The following LMCD1 variants were observed in gnomAD, a reference collection of about 807,000 sequenced individuals.
The protein encoded by LMCD1 is LIM and cysteine rich domains 1, also known as LIM and cysteine-rich domains protein 1.
In LMCD1, 32 loss-of-function variants were observed where a neutral mutation model predicts 42.7. That is an observed-to-expected ratio of 0.75 (90% CI 0.57 to 1.01). The LOEUF is 1.01. LMCD1 is among the 50% of genes least tolerant of loss of function. LMCD1 has a pLI of 0.00. For missense variants in LMCD1, 458 were observed against 483.1 expected, an observed-to-expected ratio of 0.95 and a Z score of 0.49; for synonymous variants, 178 against 184.9, an observed-to-expected ratio of 0.96 and a Z score of 0.30.
intron 4 of LMCD1, among the ~76,000 whole-genome samples, chr3:8,554,990 A>G (rs1694905679): frequency 6.6e-6 from 1 of 152,106 alleles, no homozygotes. Context: ...TCCTCAGGCC[A>G]AGTGACTGCC....
At chr3:8,510,090 T>A (rs1559344291) in intron 1 of LMCD1, among the ~76,000 whole-genome samples, 2 of 152,198 alleles carry the variant, frequency 1.3e-5, no homozygotes, top group Non-Finnish European at 2.9e-5. Context: ...ACTAATGACC[T>A]CATAAGAAAC....
At chr3:8,535,751 C>T (rs1409798392) in intron 2 of LMCD1, among the ~76,000 whole-genome samples, 2 of 152,228 alleles carry the variant, frequency 1.3e-5, no homozygotes, top group Non-Finnish European at 2.9e-5. Context: ...CTGTCCCATC[C>T]CAACTGTAAG....
rs1695089323 is a variant in LMCD1, at chr3:8,564,176, C to T, written c.724-1256C>T. Among the ~76,000 whole-genome samples, 3 of 152,086 alleles carry T rather than the reference C, an allele frequency of 2.0e-5. No individual in the cohort carries two copies. The South Asian group carries it at 6.2e-4, about 32-fold the overall frequency. On this transcript the variant is annotated intron_variant, in intron 4 of 5. Transcript: ENST00000157600. The stretch of plus-strand genomic sequence containing the variant: ...AAATATACCTTATTAATGTAAGATG[C>T]TAATAACTCAAGAAACTGAGTGTGG...
At chr3:8,513,660 GA>G (rs760433240) in intron 1 of LMCD1, among the ~76,000 whole-genome samples, 24 of 152,152 alleles carry the variant, frequency 1.6e-4, no homozygotes, top group Non-Finnish European at 3.1e-4. Context: ...AGGCAAAGAA[GA>G]AATGATTGAT....
rs576471098 is a variant in LMCD1, at chr3:8,548,778, G to A, written c.598G>A (p.Ala200Thr). 1.4e-5 allele frequency: 23 copies of A among 1,612,142 alleles called. No individual in the cohort carries two copies. The South Asian group carries it at 2.5e-4, about 18-fold the overall frequency. Reference sequence around the variant, plus strand: ...CGAGGCCCTCGGCGTGGGAGAAGTGGCCCTCCCGGGGCAGGGTGGCTTGCC... The same window carrying A: ...CGAGGCCCTCGGCGTGGGAGAAGTGACCCTCCCGGGGCAGGGTGGCTTGCC... ...KSEALGVGEV[A>T]LPGQGGLPKE... The change falls in exon 4 of 6, where the codon GCC becomes ACC. Residue 200 changes from alanine (A) to threonine (T), a missense_variant. By Grantham distance (58) the Ala-to-Thr change is moderately conservative. Transcript: ENST00000157600.
At chr3:8,538,646 T>A (rs1694557901) in intron 3 of LMCD1, among the ~76,000 whole-genome samples, 1 of 152,236 alleles carries the variant, frequency 6.6e-6, no homozygotes, top group African/African-American at 2.4e-5. Context: ...GTTCTTTCCT[T>A]GCTCTTCCCA....
In LMCD1 at chr3:8,572,970, T is replaced by C. The variant is rs1165616622; in HGVS notation, c.*5372T>C. 1 of 152,216 alleles carries C rather than the reference T, an allele frequency of 6.6e-6. No homozygotes were observed. Among genetic ancestry groups the C allele is most frequent in the Non-Finnish European group, 1.5e-5 (1 of 68,042 alleles). The allele number at this position is 152,216 out of a possible 1,614,324, so 9.4% of individuals were successfully genotyped here. A position where few individuals can be genotyped will look rare whatever the true frequency, so the allele number is the denominator to read the frequency against. ...GCGAACCAAGCCAATAAGCTTTCCA[T>C]GATGCTGCTTAGAGTTAAACAGAGC... On this transcript the variant is annotated 3_prime_UTR_variant, in exon 6 of 6. Transcript: ENST00000157600.
At chr3:8,559,927 T>C (rs7641423) in intron 4 of LMCD1, among the ~76,000 whole-genome samples, 22,957 of 152,112 alleles carry the variant, frequency 0.15, 1,869 homozygotes, top group African/African-American at 0.28. Flanking sequence ...GAGCCAGGGA[T>C]GCTAGGGAGA....
At chr3:8,542,909 C>T (rs949034026) in intron 3 of LMCD1, among the ~76,000 whole-genome samples, 2 of 152,106 alleles carry the variant, frequency 1.3e-5, no homozygotes, top group African/African-American at 4.8e-5. Context: ...CATAGCAAGC[C>T]CTCCCTAAGA....
At chr3:8,530,973 G>A (rs1004905184) in intron 1 of LMCD1, among the ~76,000 whole-genome samples, 1 of 152,224 alleles carries the variant, frequency 6.6e-6, no homozygotes, top group Non-Finnish European at 1.5e-5. Flanking sequence ...CTGTAAATAT[G>A]TATTGAACAA....
chr3:8,559,549 TCC>T (rs1694990199), intron 4 of LMCD1, among the ~76,000 whole-genome samples: 2 of 152,170 alleles, frequency 1.3e-5, no homozygotes, highest in African/African-American at 4.8e-5. Flanking sequence ...ACTTGGTATC[TCC>T]CCTCTCAGCC....
chr3:8,570,407 T>A lies in LMCD1; in HGVS notation c.*2809T>A, dbSNP rs1357864959. ...ACAATGCATGATTGACTTGGTCCAC[T>A]GGGTCACACCATCATGGATGGGCAT... is the stretch of plus-strand genomic sequence containing the variant. On this transcript the variant is annotated 3_prime_UTR_variant, in exon 6 of 6. Coordinates refer to ENST00000157600, the MANE Select transcript of LMCD1 (RefSeq NM_014583.4). 6.6e-6 allele frequency: 1 copy of A among 151,662 alleles called. No homozygotes were observed. Among genetic ancestry groups the A allele is most frequent in the Non-Finnish European group, 1.5e-5 (1 of 68,096 alleles). The allele number at this position is 151,662 out of a possible 1,614,324, so 9.4% of individuals were successfully genotyped here.
At chr3:8,532,923 G>T in intron 2 of LMCD1, 98 bp downstream of exon 2, 1 of 968,952 alleles carries the variant, frequency 1.0e-6, no homozygotes, top group East Asian at 2.4e-5. Flanking sequence ...TGCTTTGGTT[G>T]TATGCGTTGT....
intron 1 of LMCD1, among the ~76,000 whole-genome samples, chr3:8,506,165 C>G (rs752775744): frequency 2.6e-5 from 4 of 152,172 alleles, no homozygotes; most frequent in African/African-American, 9.7e-5. Flanking sequence ...AGTTGACTTT[C>G]ACCAATGTAT....
chr3:8,539,694 G>T (rs2125026396), intron 3 of LMCD1, among the ~76,000 whole-genome samples: 1 of 152,212 alleles, frequency 6.6e-6, no homozygotes, highest in South Asian at 2.1e-4. Flanking sequence ...AAACCACATG[G>T]CTGTAAAGAA....
chr3:8,561,191 T>C (rs1695027695), intron 4 of LMCD1, among the ~76,000 whole-genome samples: 1 of 152,196 alleles, frequency 6.6e-6, no homozygotes, highest in Admixed American at 6.5e-5. Context: ...ACTTACTAAG[T>C]TTAAATTAGC....
At chr3:8,545,693 G>A (rs567854791) in intron 3 of LMCD1, among the ~76,000 whole-genome samples, 1 of 152,324 alleles carries the variant, frequency 6.6e-6, no homozygotes, top group East Asian at 1.9e-4. Context: ...TGGAGATCTT[G>A]ACTGGGGCTT....
At chr3:8,557,099 A>G (rs1304475663) in intron 4 of LMCD1, among the ~76,000 whole-genome samples, 4 of 152,220 alleles carry the variant, frequency 2.6e-5, no homozygotes, top group African/African-American at 9.7e-5. Flanking sequence ...ACCATGTTCC[A>G]AAGCACATGA....
chr3:8,534,226 C>G (rs1574959597), intron 2 of LMCD1, among the ~76,000 whole-genome samples: 1 of 152,088 alleles, frequency 6.6e-6, no homozygotes, highest in South Asian at 2.1e-4. Context: ...TCAATTCAAT[C>G]AGTTTTCCCT....
Sources: allele counts gnomAD v4.1 joint callset (sites outside exome capture counted in the v4.1 genomes callset), GRCh38; gene constraint gnomAD v4.1.1; transcripts MANE v1.5; gene names NCBI Gene and HGNC (gene_info 2026-07-23, HGNC 2026-07-21).